TENM3: variants seen among roughly 807,000 people sequenced by gnomAD.
TENM3 encodes teneurin-3.
Under a neutral mutation model 255.1 loss-of-function variants are expected in TENM3, and 63 were observed. The ratio of observed to expected loss-of-function variants is 0.25; its 90% CI spans 0.20 to 0.30. The LOEUF is 0.30. Among genes scored for constraint, TENM3 ranks in the 10% least tolerant of loss-of-function variants. The pLI is 1.00. For missense variants in TENM3, 2,929 were observed against 3,461.1 expected, an observed-to-expected ratio of 0.85 and a Z score of 3.86; for synonymous variants, 1,306 against 1,322.3, an observed-to-expected ratio of 0.99 and a Z score of 0.27.
At chr4:182,011,098 C>T in the TENM3 span, among the ~76,000 whole-genome samples, 1 of 152,362 alleles carries the variant, frequency 6.6e-6, no homozygotes, top group East Asian at 1.9e-4. Context: ...ACTAACTATA[C>T]TTGGATGACT....
intron 3 of TENM3, among the ~76,000 whole-genome samples, chr4:182,436,536 C>T (rs1357346377): frequency 6.6e-6 from 1 of 152,196 alleles, no homozygotes; most frequent in East Asian, 1.9e-4. Flanking sequence ...CGCCTTATTT[C>T]AAGTTGTTGA....
At chr4:182,397,141 A>C (rs1015968304) in intron 3 of TENM3, among the ~76,000 whole-genome samples, 50 of 151,990 alleles carry the variant, frequency 3.3e-4, no homozygotes, top group African/African-American at 1.2e-3. Context: ...AAAAAGGGAA[A>C]AATCTATAAG....
At chr4:181,979,097 CATATATATATATATATAT>C in the TENM3 span, among the ~76,000 whole-genome samples, 743 of 30,356 alleles carry the variant, frequency 0.024, 10 homozygotes, top group Non-Finnish European at 0.035. Flanking sequence ...TTAAGCCTGA[CATATATATATATATATAT>C]ATATATATAT....
intron 3 of TENM3, among the ~76,000 whole-genome samples, chr4:182,391,382 T>C (rs2150982191): frequency 6.6e-6 from 1 of 152,278 alleles, no homozygotes; most frequent in Non-Finnish European, 1.5e-5. Flanking sequence ...GTACGACTTG[T>C]TCCACTTATA....
At chr4:181,535,515 A>G in the TENM3 span, among the ~76,000 whole-genome samples, 1 of 152,192 alleles carries the variant, frequency 6.6e-6, no homozygotes, top group African/African-American at 2.4e-5. Context: ...TAATCCTGTG[A>G]TAATGGAAGA....
At chr4:181,902,126 C>T in the TENM3 span, among the ~76,000 whole-genome samples, 1 of 148,704 alleles carries the variant, frequency 6.7e-6, no homozygotes, top group Non-Finnish European at 1.5e-5. Flanking sequence ...TACACACACA[C>T]ACACACACAC....
intron 1 of TENM3, among the ~76,000 whole-genome samples, chr4:182,288,060 C>G (rs1281702593): frequency 6.6e-6 from 1 of 152,126 alleles, no homozygotes; most frequent in African/African-American, 2.4e-5. Context: ...GCCTCAGCCT[C>G]CTGAGTAGCT....
At chr4:182,614,340 G>GCT in intron 4 of TENM3, among the ~76,000 whole-genome samples, 1 of 152,058 alleles carries the variant, frequency 6.6e-6, no homozygotes, top group South Asian at 2.1e-4. Flanking sequence ...AATCCATTTT[G>GCT]AACAAAATGG....
chr4:181,537,050 A>C, the TENM3 span, among the ~76,000 whole-genome samples: 2 of 152,200 alleles, frequency 1.3e-5, no homozygotes, highest in African/African-American at 2.4e-5. Context: ...TTTTAAAGGT[A>C]ATAAAACTTT....
the TENM3 span, among the ~76,000 whole-genome samples, chr4:181,512,791 G>T: frequency 3.3e-5 from 5 of 152,256 alleles, no homozygotes; most frequent in East Asian, 9.7e-4. Context: ...GTATTAATTT[G>T]CCCTCCAGTT....
chr4:182,743,034 A>G (rs970048188), intron 18 of TENM3, 136 bp from the exon 19 acceptor site: 14 of 912,906 alleles, frequency 1.5e-5, no homozygotes, highest in African/African-American at 1.2e-4. Context: ...ATTCATTCCA[A>G]TGGAGCTTCA....
At position 182,744,866 on chromosome 4, in the gene TENM3, T is replaced by C. The variant is rs1352247670; in HGVS notation, c.3629+1447T>C. ...AGACTCAGAAGTGTTTCATGTCTGC[T>C]TTCTGTGTACACGTAGCTGCAGAAG... On this transcript the variant is annotated intron_variant, in intron 19 of 27. Coordinates refer to ENST00000511685, the MANE Select transcript of TENM3 (RefSeq NM_001080477.4). Among the ~76,000 whole-genome samples the C allele has an allele frequency of 4.6e-5, 7 of 152,322 alleles. No homozygotes were observed. In the East Asian group the frequency reaches 1.4e-3, roughly 29 times the overall value.
chr4:182,576,968 T>C (rs1284172135), intron 3 of TENM3, among the ~76,000 whole-genome samples: 7 of 152,214 alleles, frequency 4.6e-5, no homozygotes, highest in Non-Finnish European at 8.8e-5. Flanking sequence ...CTTCCTTTCC[T>C]GCCTCTTGCG....
the TENM3 span, among the ~76,000 whole-genome samples, chr4:181,639,185 G>A: frequency 6.6e-6 from 1 of 152,030 alleles, no homozygotes; most frequent in Admixed American, 6.6e-5. Context: ...GGGAAATGAT[G>A]GACTAAGAAA....
chr4:182,449,101 G>T (rs1243708334), intron 3 of TENM3: 1 of 276,286 alleles, frequency 3.6e-6, no homozygotes, highest in Non-Finnish European at 7.3e-6. Context: ...AGCGGCGGCG[G>T]CGGCGGCGGC....
chr4:182,348,204 G>A (rs1764956277), intron 3 of TENM3, among the ~76,000 whole-genome samples: 1 of 152,034 alleles, frequency 6.6e-6, no homozygotes, highest in Admixed American at 6.6e-5. Context: ...TCAGTTCTTG[G>A]TGGAGGCTGG....
chr4:182,219,961 G>A, intron 1 of TENM3, among the ~76,000 whole-genome samples: 1 of 152,138 alleles, frequency 6.6e-6, no homozygotes, highest in East Asian at 1.9e-4. Flanking sequence ...TGGTTTTTCA[G>A]TTTCCTGGAA....
chr4:182,101,103 G>GAAA, the TENM3 span, among the ~76,000 whole-genome samples: 321 of 52,538 alleles, frequency 6.1e-3, 84 homozygotes, highest in Non-Finnish European at 0.011. Context: ...AGGGAGGGAG[G>GAAA]GAGGAAGGAA....
intron 3 of TENM3, among the ~76,000 whole-genome samples, chr4:182,444,522 C>T (rs995674159): frequency 2.0e-5 from 3 of 152,054 alleles, no homozygotes; most frequent in Non-Finnish European, 4.4e-5. Context: ...TACGACAATC[C>T]CTAATTCCGG....
Sources: gnomAD v4.1 joint callset for allele counts (sites outside exome capture counted in the v4.1 genomes callset) on GRCh38, gnomAD v4.1.1 for gene constraint, MANE v1.5 for transcripts, NCBI Gene and HGNC (gene_info 2026-07-23, HGNC 2026-07-21) for gene names.